Variants in CACNA2D3 observed in about 807,000 individuals in gnomAD.
CACNA2D3 encodes the protein calcium voltage-gated channel auxiliary subunit alpha2delta 3.
CACNA2D3 carries 60 observed loss-of-function variants against 160.6 expected under a neutral mutation model. The observed-to-expected ratio is 0.37, with a 90% CI of 0.30 to 0.46. CACNA2D3 has a LOEUF of 0.46. CACNA2D3 is among the 20% of genes least tolerant of loss of function. CACNA2D3 has a pLI of 1.00. For missense variants in CACNA2D3, 1,205 were observed against 1,365.0 expected, an observed-to-expected ratio of 0.88 and a Z score of 1.85; for synonymous variants, 558 against 492.9, an observed-to-expected ratio of 1.13 and a Z score of -1.75.
chr3:54,163,770 A>G (rs949046999), intron 2 of CACNA2D3, among the ~76,000 whole-genome samples: 5 of 152,202 alleles, frequency 3.3e-5, no homozygotes, highest in African/African-American at 4.8e-5. Flanking sequence ...GGAGATGGCC[A>G]TGGTGCCTTG....
intron 27 of CACNA2D3, among the ~76,000 whole-genome samples, chr3:54,912,980 G>A (rs531736589): frequency 6.6e-6 from 1 of 152,092 alleles, no homozygotes; most frequent in South Asian, 2.1e-4. Context: ...TTAAACTCAG[G>A]GTCTCAGTGG....
intron 2 of CACNA2D3, among the ~76,000 whole-genome samples, chr3:54,126,090 TTAAG>T (rs1699584910): frequency 6.6e-6 from 1 of 152,230 alleles, no homozygotes; most frequent in South Asian, 2.1e-4. Flanking sequence ...TGATTTTCAG[TTAAG>T]TAAGGTGTGC....
intron 27 of CACNA2D3, among the ~76,000 whole-genome samples, chr3:54,904,418 C>G (rs1010623123): frequency 2.6e-5 from 4 of 152,264 alleles, no homozygotes. Context: ...GTCTGTCTGA[C>G]TTCCCTGTTT....
intron 9 of CACNA2D3, among the ~76,000 whole-genome samples, chr3:54,582,400 G>A (rs980184187): frequency 3.3e-5 from 5 of 152,224 alleles, no homozygotes; most frequent in Non-Finnish European, 7.3e-5. Flanking sequence ...CGTTAAAGGA[G>A]AATCTTACAC....
chr3:54,490,152 T>G (rs1377526757), intron 4 of CACNA2D3, among the ~76,000 whole-genome samples: 1 of 151,922 alleles, frequency 6.6e-6, no homozygotes, highest in Admixed American at 6.6e-5. Context: ...AAGAAAACAA[T>G]AAGGAAAAAA....
At chr3:54,473,111 C>G (rs1700765899) in intron 4 of CACNA2D3, among the ~76,000 whole-genome samples, 1 of 152,184 alleles carries the variant, frequency 6.6e-6, no homozygotes, top group Non-Finnish European at 1.5e-5. Flanking sequence ...CTGGAGGCAT[C>G]ATGCTACCTT....
At chr3:54,175,575 T>C (rs549619907) in intron 2 of CACNA2D3, among the ~76,000 whole-genome samples, 5 of 136,146 alleles carry the variant, frequency 3.7e-5, no homozygotes, top group African/African-American at 8.5e-5. Context: ...GTTGCGACAC[T>C]GCACTCCAGC....
chr3:54,794,391 T>C (rs1371129084), intron 13 of CACNA2D3, among the ~76,000 whole-genome samples: 1 of 152,158 alleles, frequency 6.6e-6, no homozygotes, highest in Non-Finnish European at 1.5e-5. Flanking sequence ...ACATATGTTA[T>C]AAACCTCACA....
intron 10 of CACNA2D3, among the ~76,000 whole-genome samples, chr3:54,641,324 G>A (rs1395352223): frequency 1.3e-5 from 2 of 152,356 alleles, no homozygotes; most frequent in East Asian, 1.9e-4. Context: ...ATTTCTGACT[G>A]GCAGTTGGTT....
chr3:54,742,860 T>C (rs1295449102), intron 11 of CACNA2D3, among the ~76,000 whole-genome samples: 1 of 152,202 alleles, frequency 6.6e-6, no homozygotes, highest in Non-Finnish European at 1.5e-5. Context: ...TTTTTTCTGG[T>C]CCCTGACTAT....
chr3:54,913,589 C>A (rs1700602892), intron 27 of CACNA2D3, among the ~76,000 whole-genome samples: 1 of 152,158 alleles, frequency 6.6e-6, no homozygotes. Context: ...TTTGCCTTGG[C>A]TCCTTCAGCC....
chr3:54,574,815 T>A (rs1467375695), intron 8 of CACNA2D3, among the ~76,000 whole-genome samples: 1 of 152,242 alleles, frequency 6.6e-6, no homozygotes, highest in African/African-American at 2.4e-5. Context: ...GCCAATATTG[T>A]TACATCAATT....
intron 11 of CACNA2D3, among the ~76,000 whole-genome samples, chr3:54,706,807 A>G (rs1700864346): frequency 6.6e-6 from 1 of 152,196 alleles, no homozygotes; most frequent in Admixed American, 6.5e-5. Flanking sequence ...CCAGAATCCC[A>G]TGCTTTGTGG....
At chr3:54,919,351 A>G (rs1291902189) in intron 27 of CACNA2D3, among the ~76,000 whole-genome samples, 1 of 152,240 alleles carries the variant, frequency 6.6e-6, no homozygotes, top group African/African-American at 2.4e-5. Flanking sequence ...TTATGTGTTT[A>G]TTACAAAGAT....
At chr3:54,365,108 CA>C (rs1698806879) in intron 3 of CACNA2D3, among the ~76,000 whole-genome samples, 1 of 152,152 alleles carries the variant, frequency 6.6e-6, no homozygotes, top group African/African-American at 2.4e-5. Flanking sequence ...CTCAATTTAC[CA>C]ATTCACTTTG....
intron 2 of CACNA2D3, among the ~76,000 whole-genome samples, chr3:54,268,540 G>A (rs1386855217): frequency 1.3e-5 from 2 of 152,138 alleles, no homozygotes; most frequent in African/African-American, 4.8e-5. Flanking sequence ...CTCCTGTCTA[G>A]CTGGGATTAT....
intron 6 of CACNA2D3, among the ~76,000 whole-genome samples, chr3:54,568,967 A>T (rs1702451216): frequency 6.6e-6 from 1 of 152,204 alleles, no homozygotes; most frequent in African/African-American, 2.4e-5. Flanking sequence ...TCCTGCGAAA[A>T]CGATATTTCT....
intron 2 of CACNA2D3, among the ~76,000 whole-genome samples, chr3:54,133,890 G>A (rs1376065524): frequency 6.6e-6 from 1 of 152,156 alleles, no homozygotes; most frequent in South Asian, 2.1e-4. Flanking sequence ...AGATCTGGCT[G>A]GATTCTTAGC....
intron 27 of CACNA2D3, among the ~76,000 whole-genome samples, chr3:54,910,384 AT>A (rs1281495482): frequency 6.6e-6 from 1 of 151,876 alleles, no homozygotes; most frequent in Non-Finnish European, 1.5e-5. Flanking sequence ...GCTGTTTTCC[AT>A]TTTCTCTGGA....
Sources: allele counts gnomAD v4.1 joint callset (sites outside exome capture counted in the v4.1 genomes callset), GRCh38; gene constraint gnomAD v4.1.1; transcripts MANE v1.5; gene names NCBI Gene and HGNC (gene_info 2026-07-23, HGNC 2026-07-21).